SYN2: variants seen among roughly 807,000 people sequenced by gnomAD.
SYN2 encodes the protein synapsin-2.
SYN2 carries 19 observed loss-of-function variants against 50.9 expected under a neutral mutation model. The ratio of observed to expected loss-of-function variants is 0.37; its 90% CI spans 0.26 to 0.55. The LOEUF (loss-of-function observed/expected upper bound fraction) is 0.55. Ranked by LOEUF, SYN2 falls within the 20% of genes least tolerant of loss-of-function variation. The pLI is 0.81. For missense variants in SYN2, 587 were observed against 576.4 expected (o/e 1.02, Z -0.19); for synonymous variants, 255 against 224.9 (o/e 1.13, Z -1.20).
Position 12,160,067 on chromosome 3 carries a change from GTAAAA to G in SYN2, c.775-1478_775-1474del, listed in dbSNP as rs1488745353. ...CAAAAAAAAAAAAAAAAAAAAAAAA[GTAAAA>G]GAAAAAACAAAGAAGCAGGGGACTT... On this transcript the variant is annotated intron_variant, in intron 5 of 12. Coordinates refer to ENST00000621198, the MANE Select transcript of SYN2 (RefSeq NM_133625.6). Among the ~76,000 whole-genome samples, 1,182 of 118,484 alleles carry G rather than the reference GTAAAA, an allele frequency of 1.0e-2. 32 individuals are homozygous for G. The highest frequency in any genetic ancestry group is 0.033 in the African/African-American group (1,131 of 34,474). 77.7% of individuals were successfully genotyped at this position (118,484 alleles called of 152,430 possible).
Position 12,154,600 on chromosome 3 carries a change from A to C in SYN2, c.774+3274A>C, listed in dbSNP as rs1697402055. The C allele has an allele frequency of 1.7e-5, 13 of 758,482 alleles. No individual in the cohort carries two copies. In the South Asian group the frequency reaches 2.5e-4, roughly 14 times the overall value. The allele number at this position is 758,482 out of a possible 1,614,324, so 47.0% of individuals were successfully genotyped here. ...GGGCTCAGTGAAGGGACCAATAAAT[A>C]AAACTACTATAATCTTTCTAGCAAA... On this transcript the variant is annotated intron_variant, in intron 5 of 12. Transcript: ENST00000621198.
intron 1 of SYN2, among the ~76,000 whole-genome samples, chr3:12,062,716 G>C (rs2125163353): frequency 6.6e-6 from 1 of 152,108 alleles, no homozygotes; most frequent in Non-Finnish European, 1.5e-5. Flanking sequence ...ATACGATCCA[G>C]CATTCATGCT....
intron 1 of SYN2, among the ~76,000 whole-genome samples, chr3:12,039,549 AT>A (rs60746238): frequency 2.1e-3 from 242 of 117,966 alleles, no homozygotes; most frequent in Non-Finnish European, 3.2e-3. Flanking sequence ...AGAAGCAAAG[AT>A]TTTTTTTTTT....
At position 12,153,425 on chromosome 3, in the gene SYN2, G is replaced by T. The variant is rs992568801; in HGVS notation, c.774+2099G>T. On this transcript the variant is annotated intron_variant, in intron 5 of 12. Transcript: ENST00000621198. ...ACTTCTTATTAGCTGGCAGCAAGAGGTCAGGTGGTAATGGCCAAAGCTCTG... is the reference window on the plus strand; with the variant it reads ...ACTTCTTATTAGCTGGCAGCAAGAGTTCAGGTGGTAATGGCCAAAGCTCTG... The T allele has an allele frequency of 2.8e-6, 4 of 1,447,158 alleles. No individual in the cohort carries two copies. In the Admixed American group the frequency reaches 5.0e-5, roughly 18 times the overall value. The allele number at this position is 1,447,158 out of a possible 1,614,324, so 89.6% of individuals were successfully genotyped here.
At chr3:12,178,828 A>G (rs1456230835) in intron 10 of SYN2, among the ~76,000 whole-genome samples, 1 of 152,220 alleles carries the variant, frequency 6.6e-6, no homozygotes, top group Non-Finnish European at 1.5e-5. Flanking sequence ...GGGCTGGCAA[A>G]TGTATCTTTG....
chr3:12,074,353 T>G (rs1325294014), intron 1 of SYN2, among the ~76,000 whole-genome samples: 1 of 152,198 alleles, frequency 6.6e-6, no homozygotes, highest in African/African-American at 2.4e-5. Context: ...GTTTGTATAA[T>G]GCTCACTACT....
At chr3:12,118,832 A>AG (rs1474384095) in intron 1 of SYN2, among the ~76,000 whole-genome samples, 1 of 152,250 alleles carries the variant, frequency 6.6e-6, no homozygotes, top group Non-Finnish European at 1.5e-5. Context: ...AAGCAAAAAA[A>AG]CAAAAGAAGT....
chr3:12,104,570 C>T lies in SYN2; in HGVS notation c.378-36081C>T, dbSNP rs202017996. The stretch of plus-strand genomic sequence containing the variant: ...ATGTGAAACATTTTTCTTTTCTTTT[C>T]TTTTTTTTTTTTTTTTTTTTTTGAG... On this transcript the variant is annotated intron_variant, in intron 1 of 12. Transcript: ENST00000621198. Among the ~76,000 whole-genome samples the T allele has an allele frequency of 3.1e-3, 255 of 81,794 alleles. 2 individuals are homozygous for T. The highest frequency in any genetic ancestry group is 9.3e-3 in the African/African-American group (185 of 19,894). The allele number at this position is 81,794 out of a possible 152,430, so 53.7% of individuals were successfully genotyped here.
intron 1 of SYN2, among the ~76,000 whole-genome samples, chr3:12,105,622 G>A (rs1007459270): frequency 6.6e-6 from 1 of 151,650 alleles, no homozygotes; most frequent in African/African-American, 2.4e-5. Flanking sequence ...CAGAAACAAT[G>A]TATAATATTC....
chr3:12,081,946 G>T (rs1465272369), intron 1 of SYN2, among the ~76,000 whole-genome samples: 1 of 152,184 alleles, frequency 6.6e-6, no homozygotes, highest in Non-Finnish European at 1.5e-5. Context: ...GGGTAGAACT[G>T]AAGGACCAAT....
rs1180806197 is a variant in SYN2, at chr3:12,145,742, C to T, written c.591C>T (p.Asp197=). The part of the protein sequence containing the change: ...QHAFGMAENE[D]FRHLIIGMQY... ...CATTTGGCATGGCGGAGAATGAGGA[C>T]TTCCGCCACCTGATCATTGGTATGC... Residue 197 remains aspartate (D), a synonymous_variant, in exon 4 of 13, where the codon GAC becomes GAT. Coordinates refer to ENST00000621198, the MANE Select transcript of SYN2 (RefSeq NM_133625.6). 4.3e-6 allele frequency: 7 copies of T among 1,613,916 alleles called. No individual in the cohort carries two copies. The highest frequency in any genetic ancestry group is 1.6e-4 in the Middle Eastern group (1 of 6,084).
chr3:12,097,220 G>A (rs532953729), intron 1 of SYN2, among the ~76,000 whole-genome samples: 2 of 152,176 alleles, frequency 1.3e-5, no homozygotes, highest in African/African-American at 2.4e-5. Flanking sequence ...ACATGCACAC[G>A]TATGTTTATT....
chr3:12,024,767 G>A (rs1039934626), intron 1 of SYN2, among the ~76,000 whole-genome samples: 33 of 152,228 alleles, frequency 2.2e-4, no homozygotes, highest in African/African-American at 7.7e-4. Context: ...TGATGTTGGT[G>A]ATTATAAGCT....
At chr3:12,065,528 A>G (rs1475211881) in intron 1 of SYN2, among the ~76,000 whole-genome samples, 1 of 152,238 alleles carries the variant, frequency 6.6e-6, no homozygotes, top group Non-Finnish European at 1.5e-5. Context: ...ATAAAAAGGA[A>G]TGAAATTATG....
At chr3:12,005,330 G>C (rs73135626) in intron 1 of SYN2, among the ~76,000 whole-genome samples, 5,837 of 152,142 alleles carry the variant, frequency 0.038, 354 homozygotes, top group African/African-American at 0.13. Flanking sequence ...CAGTAAAAAA[G>C]GTTTAACTTC....
chr3:12,182,912 C>T (rs1229255327), intron 10 of SYN2, among the ~76,000 whole-genome samples: 1 of 152,250 alleles, frequency 6.6e-6, no homozygotes. Flanking sequence ...CGTTGGCCCT[C>T]CCTTTCCTTT....
At chr3:12,052,873 C>G (rs964933630) in intron 1 of SYN2, among the ~76,000 whole-genome samples, 2 of 152,190 alleles carry the variant, frequency 1.3e-5, no homozygotes, top group Non-Finnish European at 2.9e-5. Flanking sequence ...GATTTGAACT[C>G]ACATCCTACT....
At chr3:12,091,020 G>A (rs1274364674) in intron 1 of SYN2, among the ~76,000 whole-genome samples, 1 of 152,144 alleles carries the variant, frequency 6.6e-6, no homozygotes, top group Admixed American at 6.5e-5. Flanking sequence ...TAGGGAAATG[G>A]AAATTCAAAA....
chr3:12,079,544 C>T (rs1695543789), intron 1 of SYN2, among the ~76,000 whole-genome samples: 1 of 152,180 alleles, frequency 6.6e-6, no homozygotes, highest in South Asian at 2.1e-4. Flanking sequence ...GACTTTTCTG[C>T]ATCTATTGAG....
Sources: allele counts gnomAD v4.1 joint callset (sites outside exome capture counted in the v4.1 genomes callset), GRCh38; gene constraint gnomAD v4.1.1; transcripts MANE v1.5; gene names NCBI Gene and HGNC (gene_info 2026-07-23, HGNC 2026-07-21).